Variants in ABCA12 observed in about 807,000 individuals in gnomAD.
The protein encoded by ABCA12 is ATP binding cassette subfamily A member 12, also known as glucosylceramide transporter ABCA12.
In ABCA12, 156 loss-of-function variants were observed where a neutral mutation model predicts 293.5. The ratio of observed to expected loss-of-function variants is 0.53; its 90% CI spans 0.47 to 0.61. The LOEUF (loss-of-function observed/expected upper bound fraction) is 0.61, where lower values mean the gene tolerates loss of function less well. Among genes scored for constraint, ABCA12 ranks in the 20% least tolerant of loss-of-function variants. The probability of loss-of-function intolerance (pLI) is 0.00; values close to 1 mark genes in which losing one functional copy is unlikely to be tolerated. For synonymous variants in ABCA12, 1,063 were observed against 1,108.0 expected (o/e 0.96, Z 0.81); for missense variants, 2,797 against 3,090.2 (o/e 0.91, Z 2.25).
chr2:215,070,592 T>C (rs905425611), intron 2 of ABCA12, among the ~76,000 whole-genome samples: 1 of 137,110 alleles, frequency 7.3e-6, no homozygotes, highest in Admixed American at 8.0e-5. Flanking sequence ...TGTCTATGTG[T>C]TCTCATTTTT....
rs143094635 is a variant in ABCA12, at chr2:214,978,991, G to C, written c.4790C>G (p.Ala1597Gly). Reference sequence around the variant, plus strand: ...TTCGGGGAGATGTGATTGGATCATTGCTGTCACGGCCATGGTGTCACATAC... The same window carrying C: ...TTCGGGGAGATGTGATTGGATCATTCCTGTCACGGCCATGGTGTCACATAC... ...NAVCDTMAVT[A>G]MIQSHLPEAY... The change falls in exon 32 of 53, where the codon GCA becomes GGA. Residue 1597 changes from alanine (A) to glycine (G), a missense_variant. By Grantham distance (60) the Ala-to-Gly change is moderately conservative. Coordinates refer to ENST00000272895, the MANE Select transcript of ABCA12 (RefSeq NM_173076.3). The C allele has an allele frequency of 1.2e-6, 2 of 1,613,968 alleles. No homozygotes were observed. Among genetic ancestry groups the C allele is most frequent in the African/African-American group, 2.7e-5 (2 of 74,888 alleles).
At chr2:215,023,286 G>A (rs1222422676) in intron 11 of ABCA12, 3 of 152,220 alleles carry the variant, frequency 2.0e-5, no homozygotes, top group Admixed American at 2.0e-4. Flanking sequence ...CAATGGTAAA[G>A]GAACAGACCT....
chr2:215,032,202 A>G, intron 8 of ABCA12: 1 of 813,966 alleles, frequency 1.2e-6, no homozygotes, highest in South Asian at 2.1e-5. Context: ...TATGCAGATG[A>G]CTGCTAAGTA....
At chr2:214,940,988 T>C (rs557864360) in intron 50 of ABCA12, among the ~76,000 whole-genome samples, 4 of 152,290 alleles carry the variant, frequency 2.6e-5, no homozygotes, top group Admixed American at 2.6e-4. Context: ...ATCTTAGTCA[T>C]TTCTTGTATT....
At chr2:215,080,510 AG>A (rs200553487) in intron 2 of ABCA12, among the ~76,000 whole-genome samples, 400 of 148,932 alleles carry the variant, frequency 2.7e-3, no homozygotes, top group East Asian at 6.5e-3. Context: ...CTCAAAAAAA[AG>A]AAAAGATGCA....
Position 215,011,503 on chromosome 2 carries a change from A to T in ABCA12, c.2268T>A (p.Asp756Glu). Residue 756 changes from aspartate (D) to glutamate (E), a missense_variant, in exon 17 of 53, where the codon GAT (aspartate) becomes GAA (glutamate). Physicochemically the swap from Asp to Glu is conservative, Grantham distance 45. Around this residue, in one of 3 missense-constraint regions of ABCA12, gnomAD observed 2,130 missense variants for 2,427.0 expected, o/e 0.88. Transcript: ENST00000272895. ...CTTTAGTTAATTTATAAGTCAAAAA[A>T]TCCTTGGTGTGGTTGCCTTTTGGCC... ...SQRPKGNHTKDFLTYKLTKEQ... is the reference protein window; with the variant it reads ...SQRPKGNHTKEFLTYKLTKEQ... 1.2e-6 allele frequency: 2 copies of T among 1,614,042 alleles called. No individual in the cohort carries two copies. Among genetic ancestry groups the T allele is most frequent in the Non-Finnish European group, 1.7e-6 (2 of 1,179,910 alleles).
chr2:214,979,305 G>A (rs7579341), intron 31 of ABCA12, among the ~76,000 whole-genome samples: 3 of 151,874 alleles, frequency 2.0e-5, no homozygotes, highest in Non-Finnish European at 4.4e-5. Context: ...GTTGCTAGAG[G>A]GCTTTGGGTT....
chr2:215,000,368 C>G (rs141943509), intron 22 of ABCA12, among the ~76,000 whole-genome samples: 1 of 152,214 alleles, frequency 6.6e-6, no homozygotes, highest in East Asian at 1.9e-4. Flanking sequence ...TTTCATTTGA[C>G]TAGAGGGAGG....
chr2:215,025,478 C>A, intron 11 of ABCA12, 195 bp downstream of exon 11: 1 of 526,246 alleles, frequency 1.9e-6, no homozygotes, highest in Non-Finnish European at 3.3e-6. Context: ...CTTTTGTCAC[C>A]ATTTTTCTAG....
At chr2:214,949,257 T>C (rs1181177939) in intron 45 of ABCA12, 108 bp from the exon 46 acceptor site, 2 of 834,036 alleles carry the variant, frequency 2.4e-6, no homozygotes, top group Non-Finnish European at 2.0e-6. Flanking sequence ...CCGAGAAAAA[T>C]AAATCTCTGG....
intron 8 of ABCA12, among the ~76,000 whole-genome samples, chr2:215,033,865 C>T (rs539843418): frequency 3.4e-4 from 51 of 151,942 alleles, no homozygotes; most frequent in Non-Finnish European, 5.2e-4. Flanking sequence ...GGCGTGAACC[C>T]GGGAGGTGGA....
At chr2:215,097,075 T>G (rs1186449451) in intron 2 of ABCA12, among the ~76,000 whole-genome samples, 1 of 152,204 alleles carries the variant, frequency 6.6e-6, no homozygotes, top group East Asian at 1.9e-4. Context: ...CTTAGTCAAT[T>G]ACAATTATAA....
In ABCA12 at chr2:215,064,131, G is replaced by T; in HGVS notation, c.252C>A (p.Asp84Glu). 1 of 1,612,918 alleles carries T rather than the reference G, an allele frequency of 6.2e-7. No homozygotes were observed. Among genetic ancestry groups the T allele is most frequent in the Non-Finnish European group, 8.5e-7 (1 of 1,179,246 alleles). The change falls in exon 3 of 53, where the codon GAC becomes GAA. Residue 84 changes from aspartate (D) to glutamate (E), a missense_variant. Physicochemically the swap from Asp to Glu is conservative, Grantham distance 45. Coordinates refer to ENST00000272895, the MANE Select transcript of ABCA12 (RefSeq NM_173076.3). ...LLCDTDSKCKDTPYGPQDLLR... is the reference protein window; with the variant it reads ...LLCDTDSKCKETPYGPQDLLR... Reference sequence around the variant, plus strand: ...GCAGATCTTGTGGGCCATAGGGTGTGTCTTTGCATTTAGAGTCTGTGTCAC... The same window carrying T: ...GCAGATCTTGTGGGCCATAGGGTGTTTCTTTGCATTTAGAGTCTGTGTCAC...
At position 215,025,678 on chromosome 2, in the gene ABCA12, AT is replaced by A; in HGVS notation, c.1281del (p.Lys427AsnfsTer10). The A allele has an allele frequency of 6.7e-7, 1 of 1,501,662 alleles. No individual in the cohort carries two copies. The allele number at this position is 1,501,662 out of a possible 1,614,324, so 93.0% of individuals were successfully genotyped here. ...DYFPPVPEVLKSKLSQLRNLT... is the reference protein window; with the variant it reads ...DYFPPVPEVLXSKLSQLRNLT... ...TTTTTACTTTCATGGCTTACTTTTG[AT>A]TTTAGGACTTCAGGAACTGGAGGAA... On this transcript the variant is annotated frameshift_variant, in exon 11 of 53. Transcript: ENST00000272895. LOFTEE classifies it high-confidence loss of function.
chr2:215,011,020 T>C (rs547962756), intron 17 of ABCA12, among the ~76,000 whole-genome samples: 1 of 152,294 alleles, frequency 6.6e-6, no homozygotes, highest in Non-Finnish European at 1.5e-5. Flanking sequence ...AACTCTACCA[T>C]GTGTGATAAA....
At chr2:215,038,929 A>T (rs1701042953) in intron 7 of ABCA12, 1 of 152,168 alleles carries the variant, frequency 6.6e-6, no homozygotes, top group East Asian at 1.9e-4. Context: ...CTTGATATTT[A>T]TTTTACTTCA....
rs573539822 is a variant in ABCA12, at chr2:215,069,824, G to A, written c.164-5605C>T. Among the ~76,000 whole-genome samples the A allele has an allele frequency of 6.6e-5, 10 of 152,260 alleles. No individual in the cohort carries two copies. The East Asian group carries it at 1.9e-3, about 29-fold the overall frequency. On this transcript the variant is annotated intron_variant, in intron 2 of 52. Coordinates refer to ENST00000272895, the MANE Select transcript of ABCA12 (RefSeq NM_173076.3). ...ATATGACTTCGAACTTGCTAATAGA[G>A]ACTCTAACCTAGTAAAATTGCGTCT...
In ABCA12 at chr2:214,980,534, G is replaced by A. The variant is rs138177557; in HGVS notation, c.4689C>T (p.Tyr1563=). The A allele has an allele frequency of 7.7e-5, 124 of 1,613,994 alleles. No homozygotes were observed. The African/African-American group carries it at 1.5e-3, about 20-fold the overall frequency. Residue 1563 remains tyrosine (Y), a synonymous_variant, in exon 31 of 53, where the codon TAC becomes TAT. Coordinates refer to ENST00000272895, the MANE Select transcript of ABCA12 (RefSeq NM_173076.3). ...ACCCATCGCCAAAGGCTTCCTTGAG[G>A]TAAAATGGGGACCCACAGCACCTAA... ...GGLRCCGSPF[Y]LKEAFGDGYH... is the part of the protein sequence containing the mutation.
At chr2:214,958,133 C>T (rs2105936641) in intron 41 of ABCA12, 144 bp downstream of exon 41, 2 of 1,112,942 alleles carry the variant, frequency 1.8e-6, no homozygotes, top group Non-Finnish European at 1.3e-6. Flanking sequence ...TGAAGATAAG[C>T]CTGACTCAAG....
Sources: allele counts gnomAD v4.1 joint callset (sites outside exome capture counted in the v4.1 genomes callset), GRCh38; gene constraint gnomAD v4.1.1; regional missense constraint gnomAD v4.1.1; transcripts MANE v1.5; gene names NCBI Gene and HGNC (gene_info 2026-07-23, HGNC 2026-07-21).